The following CUBN variants were observed in gnomAD, a reference collection of about 807,000 sequenced individuals.
CUBN encodes cubilin.
In CUBN, 282 loss-of-function variants were observed where a neutral mutation model predicts 405.3. That is an observed-to-expected ratio of 0.70 (90% confidence interval 0.63 to 0.77). The LOEUF is 0.77. Ranked by LOEUF, CUBN falls within the 30% of genes least tolerant of loss-of-function variation. The pLI is 0.00. For synonymous variants in CUBN, 1,684 were observed against 1,617.0 expected (o/e 1.04, Z -0.99); for missense variants, 4,514 against 4,475.2 (o/e 1.01, Z -0.25).
At position 17,071,517 on chromosome 10, in the gene CUBN, GTCCACCTACAGGTTCTTTC is replaced by G. The variant is rs386833775; in HGVS notation, c.2515_2533del (p.Glu839ProfsTer55). 3.1e-6 allele frequency: 5 copies of G among 1,613,824 alleles called. No homozygotes were observed. The highest frequency in any genetic ancestry group is 4.2e-6 in the Non-Finnish European group (5 of 1,179,820). ...GACTTGGCTTTGGGGCTGGTGGATG[GTCCACCTACAGGTTCTTTC>G]TCCAGGATACACGTTAGGAAAAAAA... is the stretch of plus-strand genomic sequence containing the variant. On this transcript the variant is annotated frameshift_variant, in exon 19 of 67. Transcript: ENST00000377833. LOFTEE classifies it high-confidence loss of function.
At chr10:16,987,489 G>C (rs1833459603) in intron 29 of CUBN, among the ~76,000 whole-genome samples, 1 of 152,032 alleles carries the variant, frequency 6.6e-6, no homozygotes, top group Non-Finnish European at 1.5e-5. Context: ...CAGCATTCCG[G>C]GGTTATGAGT....
chr10:17,050,805 T>A (rs187107361), intron 22 of CUBN, among the ~76,000 whole-genome samples: 29 of 152,210 alleles, frequency 1.9e-4, no homozygotes, highest in Admixed American at 1.8e-3. Context: ...GCAGGAATCA[T>A]AGAAGTTGGA....
chr10:16,915,773 T>G (rs1841865054), intron 46 of CUBN, 48 bp downstream of exon 46: 1 of 1,481,170 alleles, frequency 6.8e-7, no homozygotes, highest in Non-Finnish European at 9.4e-7. Context: ...GCTGAATAAG[T>G]ACATGTGAAA....
chr10:16,871,527 G>C (rs1003524759), intron 58 of CUBN, among the ~76,000 whole-genome samples: 2 of 151,732 alleles, frequency 1.3e-5, no homozygotes, highest in African/African-American at 4.8e-5. Context: ...AAGGTTTTCA[G>C]ACTGATGAGG....
chr10:17,016,053 G>A (rs1411137119), intron 28 of CUBN, among the ~76,000 whole-genome samples: 1 of 152,160 alleles, frequency 6.6e-6, no homozygotes, highest in African/African-American at 2.4e-5. Flanking sequence ...CGCTTCTGGA[G>A]CCCTCTCCTG....
intron 31 of CUBN, among the ~76,000 whole-genome samples, chr10:16,956,034 T>C (rs1451307588): frequency 3.9e-5 from 6 of 152,142 alleles, no homozygotes; most frequent in Non-Finnish European, 2.9e-5. Context: ...AAATAGAAAG[T>C]TCGGAGATTC....
chr10:16,904,578 C>G (rs1242452290), intron 50 of CUBN, among the ~76,000 whole-genome samples: 1 of 152,184 alleles, frequency 6.6e-6, no homozygotes, highest in East Asian at 1.9e-4. Context: ...GGCATTCAGG[C>G]CAAGAGCTGT....
chr10:17,116,240 C>T (rs1836895685), intron 6 of CUBN, among the ~76,000 whole-genome samples: 1 of 152,210 alleles, frequency 6.6e-6, no homozygotes, highest in Non-Finnish European at 1.5e-5. Context: ...TGCTTTGTTA[C>T]TAGAAGATTT....
chr10:16,874,285 G>C (rs913609865), intron 58 of CUBN, 89 bp downstream of exon 58: 21 of 1,348,962 alleles, frequency 1.6e-5, no homozygotes, highest in Non-Finnish European at 2.1e-5. Flanking sequence ...CTGCCGATGA[G>C]AATCAGTGCC....
At position 16,849,798 on chromosome 10, in the gene CUBN, C is replaced by T. The variant is rs543305976; in HGVS notation, c.9663+1437G>A. 1.2e-4 allele frequency among the ~76,000 whole-genome samples: 18 copies of T among 152,286 alleles called. No homozygotes were observed. In the South Asian group the frequency reaches 3.3e-3, roughly 28 times the overall value. On this transcript the variant is annotated intron_variant, in intron 60 of 66. Coordinates refer to ENST00000377833, the MANE Select transcript of CUBN (RefSeq NM_001081.4). ...GGAGCCCTCCCAGCCTCCTCTCCTT[C>T]CAGTTCCCACAGCTGCTGATTTCAG...
At chr10:17,109,524 G>T (rs1836718078) in intron 10 of CUBN, 116 bp downstream of exon 10, 2 of 814,478 alleles carry the variant, frequency 2.5e-6, no homozygotes, top group Non-Finnish European at 4.2e-6. Flanking sequence ...ATTAATTTTA[G>T]GTTTGAAGGT....
At chr10:17,120,557 G>A (rs1837014045) in intron 6 of CUBN, among the ~76,000 whole-genome samples, 1 of 152,108 alleles carries the variant, frequency 6.6e-6, no homozygotes, top group African/African-American at 2.4e-5. Context: ...AGAGAATTTC[G>A]TACTGTTCTT....
At chr10:16,891,896 T>C (rs1339849504) in intron 54 of CUBN, among the ~76,000 whole-genome samples, 2 of 152,050 alleles carry the variant, frequency 1.3e-5, no homozygotes, top group Non-Finnish European at 2.9e-5. Flanking sequence ...CAATCTGCAA[T>C]ACCCAATATG....
At chr10:17,020,795 C>T (rs1834474784) in intron 27 of CUBN, among the ~76,000 whole-genome samples, 1 of 151,986 alleles carries the variant, frequency 6.6e-6, no homozygotes, top group South Asian at 2.1e-4. Context: ...TATTATAATT[C>T]TATTGTTGTT....
chr10:17,091,449 T>C (rs1285800264), intron 14 of CUBN, among the ~76,000 whole-genome samples: 1 of 152,160 alleles, frequency 6.6e-6, no homozygotes, highest in African/African-American at 2.4e-5. Context: ...CTACCTTTCC[T>C]ACATGATCTC....
At chr10:16,930,984 T>G (rs11254282) in intron 40 of CUBN, among the ~76,000 whole-genome samples, 1 of 151,872 alleles carries the variant, frequency 6.6e-6, no homozygotes, top group African/African-American at 2.4e-5. Context: ...AGGCCAGGTG[T>G]GGTGGCTCAC....
At chr10:16,929,163 T>G (rs1465032744) in intron 40 of CUBN, among the ~76,000 whole-genome samples, 1 of 152,212 alleles carries the variant, frequency 6.6e-6, no homozygotes, top group African/African-American at 2.4e-5. Context: ...TTGTTTGTTT[T>G]GGTATAAAAA....
chr10:17,072,007 T>C (rs774876686), intron 17 of CUBN, 36 bp from the exon 18 acceptor site: 13 of 1,565,638 alleles, frequency 8.3e-6, no homozygotes, highest in South Asian at 8.0e-5. Flanking sequence ...GTAATTCAAA[T>C]AAAGAAACTT....
chr10:17,095,330 T>A (rs1244448960), intron 14 of CUBN, among the ~76,000 whole-genome samples: 1 of 151,998 alleles, frequency 6.6e-6, no homozygotes, highest in Non-Finnish European at 1.5e-5. Flanking sequence ...CCCTATGACA[T>A]TAGTCTGAGT....
Sources: allele counts gnomAD v4.1 joint callset (sites outside exome capture counted in the v4.1 genomes callset), GRCh38; gene constraint gnomAD v4.1.1; transcripts MANE v1.5; gene names NCBI Gene and HGNC (gene_info 2026-07-23, HGNC 2026-07-21).